PSD4: variants seen among roughly 807,000 people sequenced by gnomAD.
PSD4 encodes the protein PH and SEC7 domain-containing protein 4.
A neutral mutation model predicts 112.5 loss-of-function variants in PSD4; 59 were observed. The observed-to-expected ratio is 0.52, with a 90% CI of 0.43 to 0.65. The LOEUF (loss-of-function observed/expected upper bound fraction) is 0.65, where lower values mean the gene tolerates loss of function less well. Ranked by LOEUF, PSD4 falls within the 30% of genes least tolerant of loss-of-function variation. The pLI, the probability that PSD4 is intolerant of heterozygous loss-of-function variation, is 0.00. For synonymous variants in PSD4, 533 were observed against 540.0 expected, an observed-to-expected ratio of 0.99 and a Z score of 0.18; for missense variants, 1,267 against 1,352.6, an observed-to-expected ratio of 0.94 and a Z score of 0.99.
At chr2:113,194,963 A>T (rs375022137) in intron 10 of PSD4, among the ~76,000 whole-genome samples, 1 of 152,326 alleles carries the variant, frequency 6.6e-6, no homozygotes, top group East Asian at 1.9e-4. Flanking sequence ...GCGAGATAAC[A>T]TCTACGTTAA....
At chr2:113,180,959 T>C (rs1688117370) in intron 1 of PSD4, among the ~76,000 whole-genome samples, 2 of 151,704 alleles carry the variant, frequency 1.3e-5, no homozygotes, top group South Asian at 4.2e-4. Context: ...GGCTCACACC[T>C]ATAATCCCAC....
At chr2:113,197,689 C>G in intron 13 of PSD4, 55 bp downstream of exon 13, 3 of 1,612,146 alleles carry the variant, frequency 1.9e-6, no homozygotes, top group Non-Finnish European at 2.5e-6. Flanking sequence ...AGGCCCAGAA[C>G]AGTCTGGAGG....
chr2:113,181,533 A>G (rs555660492), intron 1 of PSD4, among the ~76,000 whole-genome samples: 1 of 152,256 alleles, frequency 6.6e-6, no homozygotes, highest in Non-Finnish European at 1.5e-5. Context: ...GGCTGTGCAC[A>G]CAGCAGCTCT....
At chr2:113,189,463 A>G (rs1347792703) in intron 5 of PSD4, among the ~76,000 whole-genome samples, 1 of 152,046 alleles carries the variant, frequency 6.6e-6, no homozygotes, top group Non-Finnish European at 1.5e-5. Context: ...TTGTGCTGCT[A>G]TAAGCATAAG....
chr2:113,179,097 G>C (rs187810652), intron 1 of PSD4, among the ~76,000 whole-genome samples: 3 of 152,308 alleles, frequency 2.0e-5, no homozygotes, highest in Admixed American at 2.0e-4. Context: ...TCACCTCCTT[G>C]CTCACACTCG....
chr2:113,201,378 G>T lies in PSD4; in HGVS notation c.3134G>T (p.Arg1045Leu). 2 of 1,614,084 alleles carry T rather than the reference G, an allele frequency of 1.2e-6. No homozygotes were observed. The highest frequency in any genetic ancestry group is 1.7e-6 in the Non-Finnish European group (2 of 1,180,018). Residue 1045 changes from arginine to leucine, a missense_variant, in exon 17 of 17, where the codon CGG (arginine) becomes CTG (leucine). This residue lies in a region of PSD4 where 544 missense variants were observed against 648.6 expected (regional missense o/e 0.84). Transcript: ENST00000245796. ...AACATCTCAGAGCGCAGAACCTACC[G>T]GAAGATCATCCCTAAGCGGAACCGC... Reference protein sequence around the residue: ...KRNISERRTYRKIIPKRNRNQ... With the variant: ...KRNISERRTYLKIIPKRNRNQ...
chr2:113,193,122 C>CGAGG lies in PSD4; in HGVS notation c.1913_1914insGAGG (p.Leu639ArgfsTer54). The stretch of plus-strand genomic sequence containing the variant: ...TTTGGAGGCCAGAGTCTGGACCGAG[C>CGAGG]CCTCCGGTAATGTCTTTGGGCCCTC... On this transcript the variant is annotated frameshift_variant, in exon 7 of 17. Coordinates refer to ENST00000245796, the MANE Select transcript of PSD4 (RefSeq NM_012455.3). LOFTEE classifies it high-confidence loss of function. 1 of 1,613,826 alleles carries CGAGG rather than the reference C, an allele frequency of 6.2e-7. No individual in the cohort carries two copies. Among genetic ancestry groups the CGAGG allele is most frequent in the Non-Finnish European group, 8.5e-7 (1 of 1,179,694 alleles).
intron 16 of PSD4, 89 bp downstream of exon 16, chr2:113,199,315 T>C (rs1046658515): frequency 2.7e-5 from 35 of 1,285,434 alleles, no homozygotes; most frequent in East Asian, 3.2e-5. Context: ...GTCACTGCCC[T>C]GACCGCGCCG....
intron 1 of PSD4, among the ~76,000 whole-genome samples, chr2:113,176,924 C>T (rs1687996954): frequency 6.6e-6 from 1 of 152,168 alleles, no homozygotes; most frequent in African/African-American, 2.4e-5. Flanking sequence ...CCTTTTTGGC[C>T]TTAGGAGGTG....
chr2:113,190,773 C>T (rs1688421689), intron 5 of PSD4, among the ~76,000 whole-genome samples: 1 of 152,078 alleles, frequency 6.6e-6, no homozygotes, highest in African/African-American at 2.4e-5. Context: ...TTTTTAATGG[C>T]CTTTATGATC....
intron 16 of PSD4, among the ~76,000 whole-genome samples, chr2:113,200,375 C>T (rs956811504): frequency 1.3e-5 from 2 of 152,182 alleles, no homozygotes; most frequent in Non-Finnish European, 2.9e-5. Flanking sequence ...AGGCAGAGAC[C>T]AGGAAGTGGG....
In PSD4 at chr2:113,201,174, C is replaced by T. The variant is rs1208700552; in HGVS notation, c.2930C>T (p.Thr977Ile). Reference sequence around the variant, plus strand: ...GTGTTGCAGAAAACCCGCTACGAGACCTACGTGCAGCTGCTGGTGGCCCGC... The same window carrying T: ...GTGTTGCAGAAAACCCGCTACGAGATCTACGTGCAGCTGCTGGTGGCCCGC... The part of the protein sequence containing the change: ...YLEYEKTRYE[T>I]YVQLLVARLH... Residue 977 changes from threonine (T) to isoleucine (I), a missense_variant, in exon 17 of 17, where the codon ACC becomes ATC. Transcript: ENST00000245796. The T allele has an allele frequency of 1.2e-6, 2 of 1,612,306 alleles. No homozygotes were observed. The highest frequency in any genetic ancestry group is 2.7e-5 in the African/African-American group (2 of 74,872).
intron 5 of PSD4, 106 bp from the exon 6 acceptor site, chr2:113,192,274 C>A: frequency 1.8e-6 from 2 of 1,098,612 alleles, no homozygotes; most frequent in Non-Finnish European, 2.7e-6. Flanking sequence ...GGGCCTGGGT[C>A]CAGCTCCTCC....
chr2:113,193,822 T>A (rs374926343), intron 9 of PSD4, 37 bp from the exon 10 acceptor site: 6 of 1,595,690 alleles, frequency 3.8e-6, no homozygotes, highest in Non-Finnish European at 5.2e-6. Context: ...TGGGATGGGG[T>A]GTGTGCTCGA....
chr2:113,199,309 C>T, intron 16 of PSD4, 83 bp downstream of exon 16: 1 of 1,297,290 alleles, frequency 7.7e-7, no homozygotes, highest in Non-Finnish European at 9.8e-7. Context: ...GCAGCCGTCA[C>T]TGCCCTGACC....
At position 113,183,272 on chromosome 2, in the gene PSD4, C is replaced by T; in HGVS notation, c.816C>T (p.Asp272=). 1 of 1,614,062 alleles carries T rather than the reference C, an allele frequency of 6.2e-7. No individual in the cohort carries two copies. Among genetic ancestry groups the T allele is most frequent in the Non-Finnish European group, 8.5e-7 (1 of 1,179,930 alleles). ...AGTGCTTTTCCTGGGGGGCTTCAGA[C>T]TCCCATGCAGGTGTGAGGACTGGAC... The part of the protein sequence containing the change: ...SGECFSWGAS[D]SHAGVRTGPE... Residue 272 remains aspartate (D), a synonymous_variant, in exon 2 of 17, where the codon GAC becomes GAT. Transcript: ENST00000245796.
At chr2:113,198,622 A>C in intron 14 of PSD4, 118 bp from the exon 15 acceptor site, 1 of 1,245,760 alleles carries the variant, frequency 8.0e-7, no homozygotes, top group Non-Finnish European at 1.1e-6. Context: ...GGCTGTAACT[A>C]TGGGAGGCTG....
intron 16 of PSD4, 143 bp downstream of exon 16, chr2:113,199,369 C>G: frequency 4.6e-6 from 5 of 1,086,568 alleles, no homozygotes; most frequent in Non-Finnish European, 6.0e-6. Context: ...CCGCGTGCGC[C>G]GTCTGCAAAG....
chr2:113,201,168 A>T lies in PSD4; in HGVS notation c.2924A>T (p.Tyr975Phe). 1 of 1,611,232 alleles carries T rather than the reference A, an allele frequency of 6.2e-7. No individual in the cohort carries two copies. Among genetic ancestry groups the T allele is most frequent in the African/African-American group, 1.3e-5 (1 of 74,946 alleles). ...GCCTGTGTGTTGCAGAAAACCCGCT[A>T]CGAGACCTACGTGCAGCTGCTGGTG... ...KEYLEYEKTR[Y>F]ETYVQLLVAR... The change falls in exon 17 of 17, where the codon TAC becomes TTC. Residue 975 changes from tyrosine to phenylalanine, a missense_variant. Tyr to Phe is a conservative substitution (Grantham distance 22). Transcript: ENST00000245796.
Sources: gnomAD v4.1 joint callset for allele counts (sites outside exome capture counted in the v4.1 genomes callset) on GRCh38, gnomAD v4.1.1 for gene constraint, gnomAD v4.1.1 regional missense constraint, MANE v1.5 for transcripts, NCBI Gene and HGNC (gene_info 2026-07-23, HGNC 2026-07-21) for gene names.